Variants in THADA observed in about 807,000 individuals in gnomAD.
THADA encodes THADA armadillo repeat containing.
A neutral mutation model predicts 219.8 loss-of-function variants in THADA; 213 were observed. The observed-to-expected ratio is 0.97, with a 90% confidence interval of 0.87 to 1.09. The LOEUF is 1.09. Ranked by LOEUF, THADA falls within the 50% of genes least tolerant of loss-of-function variation. The pLI, the probability that THADA is intolerant of heterozygous loss-of-function variation, is 0.00. For missense variants in THADA, 2,956 were observed against 2,311.3 expected (o/e 1.28, Z -5.72); for synonymous variants, 1,018 against 828.9 (o/e 1.23, Z -3.92).
At chr2:43,309,708 GTGAA>G (rs1319417970) in intron 31 of THADA, among the ~76,000 whole-genome samples, 8 of 152,168 alleles carry the variant, frequency 5.3e-5, no homozygotes. Flanking sequence ...TGGTAAAAGA[GTGAA>G]TGCTTTAAGA....
At chr2:43,307,709 G>T (rs1296806015) in intron 31 of THADA, among the ~76,000 whole-genome samples, 1 of 152,118 alleles carries the variant, frequency 6.6e-6, no homozygotes, top group East Asian at 1.9e-4. Flanking sequence ...TAACTCAACT[G>T]TGTGCTAAAA....
chr2:43,529,502 T>C (rs1347175695), intron 21 of THADA, among the ~76,000 whole-genome samples: 2 of 152,124 alleles, frequency 1.3e-5, no homozygotes, highest in Non-Finnish European at 2.9e-5. Flanking sequence ...CATGAACCAC[T>C]GTGGCCGGCC....
intron 26 of THADA, among the ~76,000 whole-genome samples, chr2:43,433,247 C>T (rs999998174): frequency 5.3e-5 from 8 of 151,844 alleles, no homozygotes; most frequent in African/African-American, 1.7e-4. Flanking sequence ...AGGAGATGTG[C>T]TGCTGGGTGT....
At chr2:43,369,122 G>T (rs756799044) in intron 29 of THADA, among the ~76,000 whole-genome samples, 12 of 152,166 alleles carry the variant, frequency 7.9e-5, no homozygotes, top group Non-Finnish European at 1.8e-4. Flanking sequence ...CATGCCCCTT[G>T]ATCTTGACCA....
At chr2:43,443,515 G>C (rs1681117436) in intron 26 of THADA, among the ~76,000 whole-genome samples, 1 of 152,100 alleles carries the variant, frequency 6.6e-6, no homozygotes, top group Non-Finnish European at 1.5e-5. Flanking sequence ...GCGAGCCCTG[G>C]GGGTAAATTC....
At chr2:43,284,532 G>T (rs978971157) in intron 35 of THADA, among the ~76,000 whole-genome samples, 1 of 152,236 alleles carries the variant, frequency 6.6e-6, no homozygotes, top group Non-Finnish European at 1.5e-5. Flanking sequence ...AAAGTTCAGA[G>T]GGATGATGAA....
chr2:43,354,655 A>C (rs749977753), intron 29 of THADA, among the ~76,000 whole-genome samples: 1 of 152,076 alleles, frequency 6.6e-6, no homozygotes, highest in African/African-American at 2.4e-5. Context: ...TGGAACCTCT[A>C]GTTCTATTTA....
chr2:43,257,709 C>G (rs750570521), intron 36 of THADA, among the ~76,000 whole-genome samples: 3 of 152,132 alleles, frequency 2.0e-5, no homozygotes, highest in Non-Finnish European at 4.4e-5. Context: ...CAAAATGAAA[C>G]ACACACAAAA....
chr2:43,235,974 A>AT (rs1231161753), intron 36 of THADA, among the ~76,000 whole-genome samples: 1 of 151,334 alleles, frequency 6.6e-6, no homozygotes, highest in Non-Finnish European at 1.5e-5. Flanking sequence ...GCCCGGCTAA[A>AT]TTTTTTTTGA....
chr2:43,277,064 A>G (rs935560484), intron 36 of THADA, among the ~76,000 whole-genome samples: 3 of 151,714 alleles, frequency 2.0e-5, no homozygotes, highest in Non-Finnish European at 4.4e-5. Flanking sequence ...GCCAGCCCCC[A>G]GCTGATTTCC....
chr2:43,249,973 G>A (rs1572771355), intron 36 of THADA, among the ~76,000 whole-genome samples: 1 of 152,160 alleles, frequency 6.6e-6, no homozygotes, highest in Non-Finnish European at 1.5e-5. Context: ...GACCTGGGGA[G>A]GATGTCCATC....
chr2:43,552,457 T>G, intron 17 of THADA, 118 bp from the exon 18 acceptor site: 1 of 1,111,458 alleles, frequency 9.0e-7, no homozygotes, highest in African/African-American at 1.6e-5. Context: ...CACTAGAGTT[T>G]TTTAATCAAA....
At chr2:43,330,492 TCAGGG>T (rs1679841011) in intron 30 of THADA, among the ~76,000 whole-genome samples, 1 of 152,136 alleles carries the variant, frequency 6.6e-6, no homozygotes, top group Non-Finnish European at 1.5e-5. Context: ...GACAAATGTA[TCAGGG>T]CTGAGCAGCT....
At chr2:43,480,121 C>T (rs907213431) in intron 26 of THADA, among the ~76,000 whole-genome samples, 2 of 152,198 alleles carry the variant, frequency 1.3e-5, no homozygotes, top group East Asian at 1.9e-4. Flanking sequence ...AGATGGAGCT[C>T]GCTTTGTGTT....
At position 43,487,924 on chromosome 2, in the gene THADA, CA is replaced by C. The variant is rs570512184; in HGVS notation, c.3745-2600del. ...CTTATAAAGTGCCCTCATTAGCGATCAATGATGATCATTACATTTTCCATTA... is the reference window on the plus strand; with the variant it reads ...CTTATAAAGTGCCCTCATTAGCGATCATGATGATCATTACATTTTCCATTA... On this transcript the variant is annotated intron_variant, in intron 25 of 37. Transcript: ENST00000405975. Among the ~76,000 whole-genome samples, 643 of 152,294 alleles carry C rather than the reference CA, an allele frequency of 4.2e-3. 2 individuals are homozygous for C. The highest frequency in any genetic ancestry group is 6.5e-3 in the Non-Finnish European group (439 of 68,028).
intron 31 of THADA, among the ~76,000 whole-genome samples, chr2:43,313,994 T>C (rs1677799579): frequency 2.6e-5 from 4 of 152,220 alleles, no homozygotes; most frequent in Admixed American, 2.6e-4. Context: ...TTAATGCACA[T>C]AAAATGCTTG....
chr2:43,514,623 T>C (rs1574024857), intron 22 of THADA, among the ~76,000 whole-genome samples: 1,505 of 91,778 alleles, frequency 0.016, 14 homozygotes, highest in African/African-American at 0.026. Flanking sequence ...ATATATTTTA[T>C]ATATATGTAT....
chr2:43,574,782 C>T lies in THADA; in HGVS notation c.1283G>A (p.Gly428Asp), dbSNP rs1699676653. The change falls in exon 11 of 38, where the codon GGT (glycine) becomes GAT (aspartate). Residue 428 changes from glycine (G) to aspartate (D), a missense_variant. Gly to Asp is a moderately conservative substitution (Grantham distance 94, BLOSUM62 -1). Transcript: ENST00000405975. ...LLQMHRLTVEGADFVPDPFFV... is the reference protein window; with the variant it reads ...LLQMHRLTVEDADFVPDPFFV... ...GAAAGGATCAGGGACGAAATCTGCA[C>T]CTTCCACAGTGAGCCGGTGCATTTG... The T allele has an allele frequency of 3.1e-6, 5 of 1,613,930 alleles. No individual in the cohort carries two copies. The highest frequency in any genetic ancestry group is 3.3e-5 in the Admixed American group (2 of 60,004).
intron 36 of THADA, among the ~76,000 whole-genome samples, chr2:43,235,545 G>C (rs2104020795): frequency 6.6e-6 from 1 of 152,186 alleles, no homozygotes; most frequent in Middle Eastern, 3.4e-3. Context: ...TGCCCCCTCG[G>C]CTTCCCAAAG....
Sources: gnomAD v4.1 joint callset for allele counts (sites outside exome capture counted in the v4.1 genomes callset) on GRCh38, gnomAD v4.1.1 for gene constraint, MANE v1.5 for transcripts, NCBI Gene and HGNC (gene_info 2026-07-23, HGNC 2026-07-21) for gene names.